ASAP3: variants seen among roughly 807,000 people sequenced by gnomAD.
ASAP3 encodes the protein arf-GAP with SH3 domain, ANK repeat and PH domain-containing protein 3.
In ASAP3, 85 loss-of-function variants were observed where a neutral mutation model predicts 118.2. That is an observed-to-expected ratio of 0.72 (90% CI 0.60 to 0.86). The LOEUF (loss-of-function observed/expected upper bound fraction) is 0.86, where lower values mean the gene tolerates loss of function less well. ASAP3 is among the 40% of genes least tolerant of loss of function. The pLI is 0.00. For synonymous variants in ASAP3, 432 were observed against 477.4 expected (o/e 0.90, Z 1.24); for missense variants, 1,026 against 1,175.0 (o/e 0.87, Z 1.85).
chr1:23,438,706 T>G lies in ASAP3; in HGVS notation c.1102+41A>C, dbSNP rs1640760265. 2 of 1,592,144 alleles carry G rather than the reference T, an allele frequency of 1.3e-6. No homozygotes were observed. The highest frequency in any genetic ancestry group is 2.2e-5 in the South Asian group (2 of 90,534). ...GCTGACAGGTGTCTTAGAGAAGCCC[T>G]GAGCAGCTGTGGGTGGGGGAGAGGC... On this transcript the variant is annotated intron_variant, in intron 12 of 24. Transcript: ENST00000336689. This position sits in a 1 kb window ranked among gnomAD's most constrained non-coding sequence, Gnocchi z 4.9.
chr1:23,430,010 GTCCTATTGTAGATAAATT>G lies in ASAP3; in HGVS notation c.2638-98_2638-81del, dbSNP rs1195341579. On this transcript the variant is annotated intron_variant, in intron 24 of 24. Transcript: ENST00000336689. ...GTTCATCTCACTCAGTTTCACATCT[GTCCTATTGTAGATAAATT>G]AAATTATTCTCATTTTACAGACAAA... 8.2e-5 allele frequency: 95 copies of G among 1,159,718 alleles called. 1 individual carries two copies. Among genetic ancestry groups the G allele is most frequent in the Non-Finnish European group, 1.1e-4 (90 of 795,750 alleles). The allele number at this position is 1,159,718 out of a possible 1,614,324, so 71.8% of individuals were successfully genotyped here.
rs972278608 is a variant in ASAP3 at position 23,436,143 on chromosome 1, C to G, written c.1572-115G>C. On this transcript the variant is annotated intron_variant, in intron 16 of 24. Transcript: ENST00000336689. This position sits in a 1 kb window ranked among gnomAD's most constrained non-coding sequence, Gnocchi z 4.2. ...TTTCTCCAGAACCATGTCCTGAAGA[C>G]GTCTAGATCTGAGGCTCCCCTCTCC... The G allele has an allele frequency of 2.0e-5, 24 of 1,189,530 alleles. No individual in the cohort carries two copies. The African/African-American group carries it at 3.2e-4, about 16-fold the overall frequency. The allele number at this position is 1,189,530 out of a possible 1,614,324, so 73.7% of individuals were successfully genotyped here. A position where few individuals can be genotyped will look rare whatever the true frequency, so the allele number is the denominator to read the frequency against.
At chr1:23,442,476 CT>C (rs755635324) in intron 6 of ASAP3, 24 bp downstream of exon 6, 2 of 1,608,560 alleles carry the variant, frequency 1.2e-6, no homozygotes, top group South Asian at 2.2e-5. Context: ...CACGCCCCCC[CT>C]CCCTCATCCA....
At chr1:23,482,315 AG>A (rs1210946194) in intron 1 of ASAP3, among the ~76,000 whole-genome samples, 2 of 152,252 alleles carry the variant, frequency 1.3e-5, no homozygotes, top group Non-Finnish European at 2.9e-5. Context: ...TGAGCTCAGG[AG>A]TTCAAGAACA....
Position 23,484,058 on chromosome 1 carries a change from C to T in ASAP3, c.76G>A (p.Ala26Thr). ...EDLSSPAGAAAFAAKMPRYRG... is the reference protein window; with the variant it reads ...EDLSSPAGAATFAAKMPRYRG... Reference sequence around the variant, plus strand: ...TACCGGGGCATCTTGGCGGCGAAGGCGGCGGCCCCAGCCGGGGAGCTGAGG... The same window carrying T: ...TACCGGGGCATCTTGGCGGCGAAGGTGGCGGCCCCAGCCGGGGAGCTGAGG... Residue 26 changes from alanine (A) to threonine (T), a missense_variant, in exon 1 of 25, where the codon GCC becomes ACC. Transcript: ENST00000336689. The T allele has an allele frequency of 3.0e-6, 4 of 1,349,824 alleles. No homozygotes were observed. The highest frequency in any genetic ancestry group is 3.8e-6 in the Non-Finnish European group (4 of 1,051,470). 83.6% of individuals were successfully genotyped at this position (1,349,824 alleles called of 1,614,324 possible).
chr1:23,431,099 C>A lies in ASAP3; in HGVS notation c.2573G>T (p.Arg858Leu). 1.9e-6 allele frequency: 3 copies of A among 1,573,104 alleles called. No individual in the cohort carries two copies. The highest frequency in any genetic ancestry group is 1.7e-6 in the Non-Finnish European group (2 of 1,159,390). The change falls in exon 24 of 25, where the codon CGG becomes CTG. Residue 858 changes from arginine to leucine, a missense_variant. Physicochemically the swap from Arg to Leu is moderately radical, Grantham distance 102. Coordinates refer to ENST00000336689, the MANE Select transcript of ASAP3 (RefSeq NM_017707.4). Reference sequence around the variant, plus strand: ...ACCATCTTCAGGGCTCCGCGCCCCCCGCCGATAGGAGCGAGTGCTCTCGGA... The same window carrying A: ...ACCATCTTCAGGGCTCCGCGCCCCCAGCCGATAGGAGCGAGTGCTCTCGGA... ...FSSESTRSYR[R>L]GARSPEDGPS...
At chr1:23,473,555 G>C (rs955517193) in intron 1 of ASAP3, among the ~76,000 whole-genome samples, 10 of 152,174 alleles carry the variant, frequency 6.6e-5, no homozygotes, top group Non-Finnish European at 1.5e-4. Flanking sequence ...AGAATGATAT[G>C]ATCAAATTGC....
chr1:23,443,715 C>A (rs1294654568), intron 5 of ASAP3, among the ~76,000 whole-genome samples: 4 of 119,394 alleles, frequency 3.4e-5, no homozygotes, highest in Non-Finnish European at 6.6e-5. Flanking sequence ...TTTTTTTTTT[C>A]AGACGGAGTC....
At chr1:23,479,683 C>T (rs1487251551) in intron 1 of ASAP3, 2 of 152,180 alleles carry the variant, frequency 1.3e-5, no homozygotes, top group Non-Finnish European at 2.9e-5. Flanking sequence ...ACAATTTAAA[C>T]TGTGCATTAT....
intron 17 of ASAP3, 160 bp downstream of exon 17, chr1:23,435,691 G>T: frequency 1.2e-6 from 1 of 839,128 alleles, no homozygotes; most frequent in Non-Finnish European, 2.0e-6. Flanking sequence ...ACCCAGGTCT[G>T]CCTGACTGAA....
At chr1:23,483,936 G>A (rs1338485386) in intron 1 of ASAP3, 69 bp downstream of exon 1, 5 of 1,228,278 alleles carry the variant, frequency 4.1e-6, no homozygotes, top group Non-Finnish European at 4.1e-6. Context: ...GCTCGGGTGC[G>A]ACACGCCTGT....
intron 1 of ASAP3, among the ~76,000 whole-genome samples, chr1:23,483,073 GAGAGA>G (rs1390261226): frequency 1.4e-5 from 2 of 145,314 alleles, no homozygotes; most frequent in Admixed American, 6.7e-5. Context: ...ACCCTGACAA[GAGAGA>G]AGAGGACAGA....
In ASAP3 at chr1:23,436,995, G is replaced by T; in HGVS notation, c.1392C>A (p.Cys464Ter). 6.2e-7 allele frequency: 1 copy of T among 1,612,186 alleles called. No homozygotes were observed. The highest frequency in any genetic ancestry group is 8.5e-7 in the Non-Finnish European group (1 of 1,179,626). ...TNLGVLTCIQ[C>*]SGVHRELGVR... ...CGCCCAGTTCGCGGTGGACGCCCGA[G>T]CACTGGATGCAGGTGAGCACGCCCA... The change falls in exon 15 of 25, where the codon TGC (cysteine) becomes TGA (stop). Residue 464 changes from cysteine to a stop codon, truncating the protein, a stop_gained. Coordinates refer to ENST00000336689, the MANE Select transcript of ASAP3 (RefSeq NM_017707.4). LOFTEE classifies it high-confidence loss of function. The surrounding 1 kb of genome is among the most constrained non-coding windows in gnomAD (Gnocchi z 4.2).
chr1:23,478,723 G>A (rs144375147), intron 1 of ASAP3, among the ~76,000 whole-genome samples: 5,319 of 151,866 alleles, frequency 0.035, 274 homozygotes, highest in African/African-American at 0.12. Flanking sequence ...TCGTGCCACT[G>A]CACTCCAGCC....
At chr1:23,480,739 C>T (rs1429673245) in intron 1 of ASAP3, among the ~76,000 whole-genome samples, 1 of 152,192 alleles carries the variant, frequency 6.6e-6, no homozygotes, top group African/African-American at 2.4e-5. Flanking sequence ...CAGAGAGACC[C>T]ACTGTGTGAC....
At chr1:23,445,375 C>T (rs1254639176) in intron 5 of ASAP3, among the ~76,000 whole-genome samples, 1 of 152,006 alleles carries the variant, frequency 6.6e-6, no homozygotes, top group East Asian at 1.9e-4. Flanking sequence ...CCTATAGTCC[C>T]AGCTACTCAA....
chr1:23,449,131 A>G (rs1641134958), intron 5 of ASAP3, among the ~76,000 whole-genome samples: 1 of 152,246 alleles, frequency 6.6e-6, no homozygotes, highest in Non-Finnish European at 1.5e-5. Flanking sequence ...GCACAAGATT[A>G]AAAGCTGGCT....
intron 1 of ASAP3, among the ~76,000 whole-genome samples, chr1:23,462,688 G>A (rs766617387): frequency 5.9e-5 from 9 of 152,088 alleles, no homozygotes; most frequent in Non-Finnish European, 1.3e-4. Flanking sequence ...GAACCTGGGA[G>A]GCGGAGGCTG....
At chr1:23,442,473 C>T in intron 6 of ASAP3, 28 bp downstream of exon 6, 3 of 1,607,636 alleles carry the variant, frequency 1.9e-6, no homozygotes, top group Admixed American at 3.3e-5. Context: ...TCCCACGCCC[C>T]CCCTCCCTCA....
Sources: allele counts gnomAD v4.1 joint callset (sites outside exome capture counted in the v4.1 genomes callset), GRCh38; gene constraint gnomAD v4.1.1; non-coding constraint Gnocchi (gnomAD v3.1); transcripts MANE v1.5; gene names NCBI Gene and HGNC (gene_info 2026-07-23, HGNC 2026-07-21).